MGAM: variants seen among roughly 807,000 people sequenced by gnomAD.
The protein encoded by MGAM is maltase-glucoamylase.
A neutral mutation model predicts 358.8 loss-of-function variants in MGAM; 253 were observed. That is an observed-to-expected ratio of 0.71 (90% CI 0.64 to 0.78). The LOEUF (loss-of-function observed/expected upper bound fraction) is 0.78. Among genes scored for constraint, MGAM ranks in the 30% least tolerant of loss-of-function variants. MGAM has a pLI of 0.00. For synonymous variants in MGAM, 1,105 were observed against 1,227.1 expected (o/e 0.90, Z 2.08); for missense variants, 3,080 against 3,432.6 (o/e 0.90, Z 2.57).
chr7:142,063,608 G>C, intron 36 of MGAM, 22 bp downstream of exon 36: 1 of 1,609,458 alleles, frequency 6.2e-7, no homozygotes, highest in Non-Finnish European at 8.5e-7. Flanking sequence ...TGGCCTCCTT[G>C]ACTGGCAGAG....
rs1811324675 is a variant in MGAM, at chr7:142,054,743, C to A, written c.3160-11C>A. The A allele has an allele frequency of 2.5e-6, 4 of 1,613,284 alleles. No homozygotes were observed. Among genetic ancestry groups the A allele is most frequent in the Non-Finnish European group, 3.4e-6 (4 of 1,179,490 alleles). On this transcript the variant is annotated splice_polypyrimidine_tract_variant and intron_variant, in intron 26 of 70. Coordinates refer to ENST00000475668, the MANE Select transcript of MGAM (RefSeq NM_001365693.1). ...AGTATTGTTGCCTAAAATTGATTTC[C>A]TCTGGCCTAGATTTATGATCCCAAC...
rs1294036452 is a variant in MGAM at position 142,046,030 on chromosome 7, A to T, written c.2499-1755A>T. Among the ~76,000 whole-genome samples, 151 of 118,552 alleles carry T rather than the reference A, an allele frequency of 1.3e-3. 3 individuals are homozygous for T. The highest frequency in any genetic ancestry group is 2.4e-3 in the South Asian group (10 of 4,096). The allele number at this position is 118,552 out of a possible 152,430, so 77.8% of individuals were successfully genotyped here. ...TATATTATGTATACATACAATATGT[A>T]ATATATATTATATATACATACAATA... On this transcript the variant is annotated intron_variant, in intron 21 of 70. Transcript: ENST00000475668.
chr7:142,040,651 AG>A, intron 20 of MGAM, 70 bp from the exon 21 acceptor site: 1 of 1,564,530 alleles, frequency 6.4e-7, no homozygotes, highest in Middle Eastern at 1.7e-4. Context: ...GTGTATCACC[AG>A]GCATGTAGAT....
intron 47 of MGAM, 44 bp downstream of exon 47, chr7:142,076,870 T>C (rs1472246295): frequency 6.6e-7 from 1 of 1,519,668 alleles, no homozygotes; most frequent in Non-Finnish European, 9.1e-7. Context: ...GAATTCTCCA[T>C]AGCACCATGA....
In MGAM at chr7:142,008,511, G is replaced by A; in HGVS notation, c.133G>A (p.Asp45Asn). The part of the protein sequence containing the change: ...AKESLKSTAP[D>N]PGTTGTPDPG... The stretch of plus-strand genomic sequence containing the variant: ...TATGTTTGCTTTTGGTATAGCCCCA[G>A]ATCCTGGGACAACTGGTACCCCAGA... Residue 45 changes from aspartate (D) to asparagine (N), a missense_variant, in exon 3 of 71, where the codon GAT (aspartate) becomes AAT (asparagine). This residue lies in a region of MGAM where 1,816 missense variants were observed against 1,840.5 expected (regional missense o/e 0.99). Coordinates refer to ENST00000475668, the MANE Select transcript of MGAM (RefSeq NM_001365693.1). The A allele has an allele frequency of 1.2e-6, 2 of 1,609,110 alleles. No homozygotes were observed. Among genetic ancestry groups the A allele is most frequent in the East Asian group, 2.2e-5 (1 of 44,678 alleles).
intron 31 of MGAM, 96 bp from the exon 32 acceptor site, chr7:142,059,376 T>A: frequency 6.6e-7 from 1 of 1,519,280 alleles, no homozygotes; most frequent in Non-Finnish European, 8.9e-7. Flanking sequence ...AACAAGAAGC[T>A]GTCTGGAATT....
At chr7:142,034,110 G>A (rs1379936688) in intron 14 of MGAM, among the ~76,000 whole-genome samples, 152 bp from the exon 15 acceptor site, 1 of 152,204 alleles carries the variant, frequency 6.6e-6, no homozygotes, top group Non-Finnish European at 1.5e-5. Context: ...ACTCCAAGTG[G>A]ATAGCATTCT....
At chr7:142,063,317 C>A (rs1282088700) in intron 35 of MGAM, among the ~76,000 whole-genome samples, 182 bp from the exon 36 acceptor site, 1 of 152,172 alleles carries the variant, frequency 6.6e-6, no homozygotes, top group Admixed American at 6.5e-5. Flanking sequence ...TCTAGCCAGT[C>A]GTTCTGTAGG....
At chr7:142,014,937 A>G (rs544181748) in intron 3 of MGAM, among the ~76,000 whole-genome samples, 2 of 152,098 alleles carry the variant, frequency 1.3e-5, no homozygotes, top group South Asian at 4.1e-4. Context: ...TATTTTTGTA[A>G]GTTTTTTTTT....
chr7:142,031,462 C>A (rs550888112), intron 12 of MGAM, among the ~76,000 whole-genome samples: 1 of 152,286 alleles, frequency 6.6e-6, no homozygotes, highest in East Asian at 1.9e-4. Flanking sequence ...CGAATTTATT[C>A]ATTAAGGACT....
At chr7:142,076,366 T>C in intron 46 of MGAM, 114 bp downstream of exon 46, 1 of 1,075,406 alleles carries the variant, frequency 9.3e-7, no homozygotes, top group Non-Finnish European at 1.4e-6. Context: ...TTATTGGCTA[T>C]AGGTGAGCAC....
At chr7:142,060,935 T>C (rs111545376) in intron 34 of MGAM, among the ~76,000 whole-genome samples, 1 of 152,100 alleles carries the variant, frequency 6.6e-6, no homozygotes, top group Non-Finnish European at 1.5e-5. Flanking sequence ...TCCAGCCTTA[T>C]TGTAAAACTT....
chr7:142,030,878 TA>T lies in MGAM; in HGVS notation c.1470+122del, dbSNP rs1225956436. The T allele has an allele frequency of 1.6e-5, 11 of 683,000 alleles. No homozygotes were observed. In the East Asian group the frequency reaches 2.4e-4, roughly 15 times the overall value. 42.3% of individuals were successfully genotyped at this position (683,000 alleles called of 1,614,324 possible). On this transcript the variant is annotated intron_variant, in intron 12 of 70. Coordinates refer to ENST00000475668, the MANE Select transcript of MGAM (RefSeq NM_001365693.1). ...TTATTGTACATTTTCAGTATATTTA[TA>T]TATGCTGGGGATAAATTCTCCTCTG...
At chr7:142,045,251 G>GTAC (rs534275460) in intron 21 of MGAM, among the ~76,000 whole-genome samples, 1 of 67,840 alleles carries the variant, frequency 1.5e-5, no homozygotes, top group African/African-American at 5.5e-5. Flanking sequence ...TATAATATAT[G>GTAC]ATATATAATA....
At position 142,099,712 on chromosome 7, in the gene MGAM, G is replaced by A. The variant is rs773173503; in HGVS notation, c.7849G>A (p.Glu2617Lys). The change falls in exon 67 of 71, where the codon GAG becomes AAG. Residue 2617 changes from glutamate to lysine, a missense_variant. This residue lies in a region of MGAM where 194 missense variants were observed against 172.8 expected (regional missense o/e 1.12). Transcript: ENST00000475668. Reference sequence around the variant, plus strand: ...TGGGGGCTACATCCTGCCCTGGCAAGAGCCTGCACTGAACACCCACTTAAG... The same window carrying A: ...TGGGGGCTACATCCTGCCCTGGCAAAAGCCTGCACTGAACACCCACTTAAG... Reference protein sequence around the residue: ...VRGGYILPWQEPALNTHLSRQ... With the variant: ...VRGGYILPWQKPALNTHLSRQ... The A allele has an allele frequency of 1.2e-6, 2 of 1,613,964 alleles. No homozygotes were observed. The highest frequency in any genetic ancestry group is 1.7e-6 in the Non-Finnish European group (2 of 1,179,868).
chr7:142,042,448 T>A lies in MGAM; in HGVS notation c.2498+1602T>A, dbSNP rs1409571152. On this transcript the variant is annotated intron_variant, in intron 21 of 70. Transcript: ENST00000475668. ...CATATAATATATAACATATAATATA[T>A]AATATAACATATAATATATAATATA... Among the ~76,000 whole-genome samples the A allele has an allele frequency of 8.9e-5, 2 of 22,444 alleles. 1 individual carries two copies. The highest frequency in any genetic ancestry group is 1.6e-4 in the Non-Finnish European group (2 of 12,424). The allele number at this position is 22,444 out of a possible 152,430, so 14.7% of individuals were successfully genotyped here. A position where few individuals can be genotyped will look rare whatever the true frequency, so the allele number is the denominator to read the frequency against.
intron 57 of MGAM, among the ~76,000 whole-genome samples, chr7:142,089,451 T>C (rs1389376042): frequency 2.0e-5 from 3 of 146,520 alleles, no homozygotes; most frequent in Non-Finnish European, 4.6e-5. Flanking sequence ...TCTTGGTAGA[T>C]AGGATAATTA....
intron 1 of MGAM, among the ~76,000 whole-genome samples, chr7:141,999,583 C>T (rs1434221150): frequency 2.0e-5 from 3 of 152,144 alleles, no homozygotes; most frequent in African/African-American, 7.2e-5. Flanking sequence ...ATAAAAATGG[C>T]ATGTGACAAA....
chr7:142,031,714 C>G lies in MGAM; in HGVS notation c.1505C>G (p.Thr502Ser), dbSNP rs782194727. 6 of 1,613,270 alleles carry G rather than the reference C, an allele frequency of 3.7e-6. No homozygotes were observed. The East Asian group carries it at 1.3e-4, about 36-fold the overall frequency. Residue 502 changes from threonine (T) to serine (S), a missense_variant, in exon 13 of 71, where the codon ACC (threonine) becomes AGC (serine). By Grantham distance (58) the Thr-to-Ser change is moderately conservative. Coordinates refer to ENST00000475668, the MANE Select transcript of MGAM (RefSeq NM_001365693.1). ...WPGQTVFPDY[T>S]NPNCAVWWTK... Reference sequence around the variant, plus strand: ...GGACAAACTGTGTTTCCTGATTATACCAATCCCAACTGTGCTGTTTGGTGG... The same window carrying G: ...GGACAAACTGTGTTTCCTGATTATAGCAATCCCAACTGTGCTGTTTGGTGG...
Sources: gnomAD v4.1 joint callset for allele counts (sites outside exome capture counted in the v4.1 genomes callset) on GRCh38, gnomAD v4.1.1 for gene constraint, gnomAD v4.1.1 regional missense constraint, MANE v1.5 for transcripts, NCBI Gene and HGNC (gene_info 2026-07-23, HGNC 2026-07-21) for gene names.